The following VIRMA variants were observed in gnomAD, a reference collection of about 807,000 sequenced individuals.
VIRMA encodes protein virilizer homolog.
A neutral mutation model predicts 182.4 loss-of-function variants in VIRMA; 65 were observed. That is an observed-to-expected ratio of 0.36 (90% confidence interval 0.29 to 0.44). VIRMA has a LOEUF of 0.44. Among genes scored for constraint, VIRMA ranks in the 20% least tolerant of loss-of-function variants. The pLI is 1.00. For synonymous variants in VIRMA, 709 were observed against 743.1 expected (o/e 0.95, Z 0.75); for missense variants, 1,752 against 2,158.1 (o/e 0.81, Z 3.73).
intron 3 of VIRMA, 65 bp downstream of exon 3, chr8:94,538,195 A>G (rs1403867723): frequency 9.9e-7 from 1 of 1,013,976 alleles, no homozygotes; most frequent in East Asian, 2.4e-5. Flanking sequence ...TATCTAAAGA[A>G]TCAATCAAAA....
intron 15 of VIRMA, 49 bp from the exon 16 acceptor site, chr8:94,506,766 A>C: frequency 8.7e-7 from 1 of 1,154,356 alleles, no homozygotes; most frequent in South Asian, 1.3e-5. Context: ...AATTATCACC[A>C]TCACTTAGCA....
intron 5 of VIRMA, 81 bp from the exon 6 acceptor site, chr8:94,531,166 C>A: frequency 7.3e-7 from 1 of 1,369,354 alleles, no homozygotes; most frequent in South Asian, 1.8e-5. Context: ...CTGTGTGGGT[C>A]CACTTACATG....
At chr8:94,500,641 C>G (rs1813936551) in intron 16 of VIRMA, among the ~76,000 whole-genome samples, 1 of 146,034 alleles carries the variant, frequency 6.8e-6, no homozygotes, top group Non-Finnish European at 1.5e-5. Context: ...CTTTGGAAAA[C>G]AGTTCGGTAG....
chr8:94,517,336 G>A (rs890554204), intron 10 of VIRMA, among the ~76,000 whole-genome samples: 5 of 152,202 alleles, frequency 3.3e-5, no homozygotes, highest in African/African-American at 1.2e-4. Flanking sequence ...CCGAGTAGCT[G>A]GAACCACAGG....
Position 94,543,904 on chromosome 8 carries a change from C to T in VIRMA, c.102G>A (p.Val34=). 1 of 1,612,740 alleles carries T rather than the reference C, an allele frequency of 6.2e-7. No individual in the cohort carries two copies. Among genetic ancestry groups the T allele is most frequent in the Non-Finnish European group, 8.5e-7 (1 of 1,179,208 alleles). The part of the protein sequence containing the change: ...SHIDVVRFPC[V]VYINEVRVIP... ...TGACTCGGACTTCATTGATATAAAC[C>T]ACACATGGAAAACGAACCACATCTA... is the stretch of plus-strand genomic sequence containing the variant. The change falls in exon 2 of 24, where the codon GTG becomes GTA. Residue 34 remains valine, a synonymous_variant. Transcript: ENST00000297591.
At position 94,523,974 on chromosome 8, in the gene VIRMA, C is replaced by G. The variant is rs1312356680; in HGVS notation, c.2021+2249G>C. On this transcript the variant is annotated intron_variant, in intron 8 of 23. Coordinates refer to ENST00000297591, the MANE Select transcript of VIRMA (RefSeq NM_015496.5). ...AAGCCCGGCTAGTTTTTGTGTGTGT[C>G]TGTGTGTGTGTGTGTTTTTGTTACT... Among the ~76,000 whole-genome samples the G allele has an allele frequency of 4.7e-5, 7 of 147,780 alleles. No individual in the cohort carries two copies. The South Asian group carries it at 6.5e-4, about 14-fold the overall frequency.
intron 8 of VIRMA, among the ~76,000 whole-genome samples, chr8:94,525,560 G>A (rs947017006): frequency 6.6e-6 from 1 of 152,140 alleles, no homozygotes; most frequent in African/African-American, 2.4e-5. Flanking sequence ...AATGCACTAT[G>A]CTCCATCCAA....
At position 94,510,609 on chromosome 8, in the gene VIRMA, T is replaced by G; in HGVS notation, c.3434A>C (p.Lys1145Thr). ...HDISVALNTR[K>T]LWSMHLHVQA... Reference sequence around the variant, plus strand: ...AACATGAAGGTGCATGCTCCACAATTTTCGGGTGTTGAGTGCCACTGATAT... The same window carrying G: ...AACATGAAGGTGCATGCTCCACAATGTTCGGGTGTTGAGTGCCACTGATAT... Residue 1145 changes from lysine (K) to threonine (T), a missense_variant, in exon 14 of 24, where the codon AAA becomes ACA. Transcript: ENST00000297591. The G allele has an allele frequency of 1.2e-6, 2 of 1,614,100 alleles. No homozygotes were observed. Among genetic ancestry groups the G allele is most frequent in the Non-Finnish European group, 1.7e-6 (2 of 1,179,990 alleles).
intron 1 of VIRMA, chr8:94,546,982 T>C (rs1350880975): frequency 2.2e-6 from 1 of 455,418 alleles, no homozygotes; most frequent in East Asian, 7.0e-5. Context: ...ATGTTCTCTC[T>C]GCTTGAAATC....
At chr8:94,507,897 A>T (rs993311340) in intron 15 of VIRMA, among the ~76,000 whole-genome samples, 8 of 149,178 alleles carry the variant, frequency 5.4e-5, no homozygotes, top group African/African-American at 2.0e-4. Context: ...ATATATGTAT[A>T]TATATGTATA....
intron 16 of VIRMA, among the ~76,000 whole-genome samples, chr8:94,501,904 T>C (rs1351580077): frequency 6.6e-6 from 1 of 152,186 alleles, no homozygotes; most frequent in East Asian, 1.9e-4. Flanking sequence ...GTATATTCTG[T>C]GGTTGTTGGA....
At position 94,553,255 on chromosome 8, in the gene VIRMA, G is replaced by A. The variant is rs541524711; in HGVS notation, c.63+130C>T. On this transcript the variant is annotated intron_variant, in intron 1 of 23. Coordinates refer to ENST00000297591, the MANE Select transcript of VIRMA (RefSeq NM_015496.5). ...GACGCGATGCTCACACAGCTCGGGG[G>A]AGGGTGTCTGTGTGTAAGCGAGAAA... 1.1e-5 allele frequency: 10 copies of A among 880,716 alleles called. No individual in the cohort carries two copies. In the African/African-American group the frequency reaches 1.2e-4, roughly 10 times the overall value. 54.6% of individuals were successfully genotyped at this position (880,716 alleles called of 1,614,324 possible).
At chr8:94,509,015 A>T (rs1254979401) in intron 15 of VIRMA, among the ~76,000 whole-genome samples, 1 of 152,218 alleles carries the variant, frequency 6.6e-6, no homozygotes, top group Non-Finnish European at 1.5e-5. Context: ...TCTATAAGCA[A>T]AGTAGTCTGA....
At chr8:94,497,350 A>T (rs1183712301) in intron 17 of VIRMA, 1 of 151,516 alleles carries the variant, frequency 6.6e-6, no homozygotes, top group East Asian at 1.9e-4. Context: ...CAATCCTCCC[A>T]CCTCAACCTC....
Position 94,488,974 on chromosome 8 carries a change from C to T in VIRMA, c.5285-114G>A, listed in dbSNP as rs1043799468. The T allele has an allele frequency of 1.5e-5, 18 of 1,208,988 alleles. No homozygotes were observed. In the African/African-American group the frequency reaches 2.6e-4, roughly 17 times the overall value. 74.9% of individuals were successfully genotyped at this position (1,208,988 alleles called of 1,614,324 possible). A position where few individuals can be genotyped will look rare whatever the true frequency, so the allele number is the denominator to read the frequency against. ...AGAATTACTCTATTCTCTTTTAAAG[C>T]TCACGTGCAAGCACGGTGAATGGGC... On this transcript the variant is annotated intron_variant, in intron 23 of 23. Transcript: ENST00000297591.
rs781221057 is a variant in VIRMA at position 94,499,509 on chromosome 8, G to A, written c.4098-3C>T. 5 of 1,465,160 alleles carry A rather than the reference G, an allele frequency of 3.4e-6. No individual in the cohort carries two copies. The highest frequency in any genetic ancestry group is 3.8e-5 in the Admixed American group (2 of 52,656). The allele number at this position is 1,465,160 out of a possible 1,614,324, so 90.8% of individuals were successfully genotyped here. A position where few individuals can be genotyped will look rare whatever the true frequency, so the allele number is the denominator to read the frequency against. On this transcript the variant is annotated splice_region_variant and splice_polypyrimidine_tract_variant and intron_variant, in intron 16 of 23. Coordinates refer to ENST00000297591, the MANE Select transcript of VIRMA (RefSeq NM_015496.5). ...CACTACTGTTTTTCCTTAAAGAACT[G>A]TAAATAAAGAAAATAAAGAGAAGAT...
intron 3 of VIRMA, 82 bp downstream of exon 3, chr8:94,538,178 T>C: frequency 2.2e-6 from 2 of 922,066 alleles, no homozygotes; most frequent in Middle Eastern, 4.2e-4. Context: ...GATACATCCT[T>C]TTCTTCTATC....
chr8:94,537,225 T>C, intron 3 of VIRMA, 74 bp from the exon 4 acceptor site: 1 of 946,444 alleles, frequency 1.1e-6, no homozygotes, highest in Non-Finnish European at 1.7e-6. Context: ...TCTCTCTAGA[T>C]TCAAATATTT....
chr8:94,532,430 G>T (rs1312059513), intron 5 of VIRMA, among the ~76,000 whole-genome samples: 2 of 152,184 alleles, frequency 1.3e-5, no homozygotes, highest in East Asian at 3.8e-4. Flanking sequence ...TGATCATGGT[G>T]TTGGTTATGC....
Sources: gnomAD v4.1 joint callset for allele counts (sites outside exome capture counted in the v4.1 genomes callset) on GRCh38, gnomAD v4.1.1 for gene constraint, MANE v1.5 for transcripts, NCBI Gene and HGNC (gene_info 2026-07-23, HGNC 2026-07-21) for gene names.